CELF6: variants seen among roughly 807,000 people sequenced by gnomAD.
CELF6 encodes the protein CUGBP Elav-like family member 6.
Under a neutral mutation model 53.1 loss-of-function variants are expected in CELF6, and 32 were observed. The ratio of observed to expected loss-of-function variants is 0.60; its 90% CI spans 0.46 to 0.81. The LOEUF is 0.81. CELF6 is among the 30% of genes least tolerant of loss of function. The probability of loss-of-function intolerance (pLI) is 0.00; values close to 1 mark genes in which losing one functional copy is unlikely to be tolerated. For missense variants in CELF6, 539 were observed against 669.5 expected (o/e 0.81, Z 2.15); for synonymous variants, 291 against 288.8 (o/e 1.01, Z -0.08).
At chr15:72,286,606 T>C (rs1021509345) in intron 12 of CELF6, among the ~76,000 whole-genome samples, 4 of 152,206 alleles carry the variant, frequency 2.6e-5, no homozygotes, top group African/African-American at 4.8e-5. Context: ...GGCAGGGCCA[T>C]GTGGGCCTTC....
chr15:72,289,890 C>T lies in CELF6; in HGVS notation c.603+49G>A, dbSNP rs781703343. 7.2e-6 allele frequency: 11 copies of T among 1,530,844 alleles called. No homozygotes were observed. The Admixed American group carries it at 1.6e-4, about 22-fold the overall frequency. 94.8% of individuals were successfully genotyped at this position (1,530,844 alleles called of 1,614,324 possible). On this transcript the variant is annotated intron_variant, in intron 5 of 12. Coordinates refer to ENST00000287202, the MANE Select transcript of CELF6 (RefSeq NM_052840.5). This position sits in a 1 kb window ranked among gnomAD's most constrained non-coding sequence, Gnocchi z 7.6. The stretch of plus-strand genomic sequence containing the variant: ...CGAGCACACTCGGGGAGGAGAAGCC[C>T]GTCCCCACCCCACTGGCCTCACCCT...
chr15:72,308,304 C>T (rs753091384), intron 2 of CELF6, among the ~76,000 whole-genome samples: 4 of 152,166 alleles, frequency 2.6e-5, no homozygotes, highest in Non-Finnish European at 4.4e-5. Context: ...TCTCGCCTCA[C>T]CGAAACCTCT....
At chr15:72,295,066 G>A (rs1247635879) in intron 3 of CELF6, among the ~76,000 whole-genome samples, 6 of 151,806 alleles carry the variant, frequency 4.0e-5, no homozygotes, top group Non-Finnish European at 7.4e-5. Flanking sequence ...GGGCATGGTG[G>A]CTCACGCCTG....
chr15:72,317,265 T>C (rs2088374611), intron 1 of CELF6, among the ~76,000 whole-genome samples: 1 of 152,056 alleles, frequency 6.6e-6, no homozygotes, highest in African/African-American at 2.4e-5. Context: ...GCATTCTGAG[T>C]GTAGGAGGGA....
chr15:72,306,974 G>T (rs2088238608), intron 2 of CELF6, among the ~76,000 whole-genome samples: 1 of 151,974 alleles, frequency 6.6e-6, no homozygotes, highest in African/African-American at 2.4e-5. Flanking sequence ...GAGAGGGGAA[G>T]GAAATGAGGA....
In CELF6 at chr15:72,290,260, G is replaced by A. The variant is rs200622052; in HGVS notation, c.395-5C>T. The A allele has an allele frequency of 4.8e-4, 773 of 1,612,244 alleles. No individual in the cohort carries two copies. Among genetic ancestry groups the A allele is most frequent in the Non-Finnish European group, 6.3e-4 (743 of 1,179,414 alleles). On this transcript the variant is annotated splice_polypyrimidine_tract_variant and splice_region_variant and intron_variant, in intron 3 of 12. Coordinates refer to ENST00000287202, the MANE Select transcript of CELF6 (RefSeq NM_052840.5). The stretch of plus-strand genomic sequence containing the variant: ...CCACAAACAGCTTTCGGTCCTCTGG[G>A]GACAAAGCCAGGAATGACCTGGGGA...
chr15:72,288,374 G>A lies in CELF6; in HGVS notation c.1252C>T (p.Pro418Ser). Residue 418 changes from proline to serine, a missense_variant, in exon 11 of 13, where the codon CCC becomes TCC. Pro to Ser is a moderately conservative substitution (Grantham distance 74, BLOSUM62 -1). Coordinates refer to ENST00000287202, the MANE Select transcript of CELF6 (RefSeq NM_052840.5). This position sits in a 1 kb window ranked among gnomAD's most constrained non-coding sequence, Gnocchi z 4.6. ...GDAELIQTFLPFGAVVSAKVF... is the reference protein window; with the variant it reads ...GDAELIQTFLSFGAVVSAKVF... ...TTAGCAGAGACAACGGCTCCAAAGG[G>A]CAGGAATGTCTGTATGAGTTCCGCA... 1 of 1,614,170 alleles carries A rather than the reference G, an allele frequency of 6.2e-7. No individual in the cohort carries two copies. Among genetic ancestry groups the A allele is most frequent in the Non-Finnish European group, 8.5e-7 (1 of 1,180,028 alleles).
At position 72,288,823 on chromosome 15, in the gene CELF6, T is replaced by C; in HGVS notation, c.1093+45A>G. 4 of 1,517,070 alleles carry C rather than the reference T, an allele frequency of 2.6e-6. No individual in the cohort carries two copies. The highest frequency in any genetic ancestry group is 3.6e-6 in the Non-Finnish European group (4 of 1,116,232). The allele number at this position is 1,517,070 out of a possible 1,614,324, so 94.0% of individuals were successfully genotyped here. The stretch of plus-strand genomic sequence containing the variant: ...CCCCACAACTCTCCCTATTTCTTTC[T>C]AGGGCCCTTCAACCTCCCCCAGGCC... On this transcript the variant is annotated intron_variant, in intron 9 of 12. Coordinates refer to ENST00000287202, the MANE Select transcript of CELF6 (RefSeq NM_052840.5). The surrounding 1 kb of genome is among the most constrained non-coding windows in gnomAD (Gnocchi z 4.6).
At position 72,289,421 on chromosome 15, in the gene CELF6, G is replaced by C; in HGVS notation, c.834C>G (p.His278Gln). The C allele has an allele frequency of 6.4e-7, 1 of 1,552,816 alleles. No homozygotes were observed. Among genetic ancestry groups the C allele is most frequent in the Non-Finnish European group, 8.6e-7 (1 of 1,157,320 alleles). ...PVAAVAAQMQ[H>Q]VAAFSLVAAP... ...CAGCTACCAGGCTAAAGGCCGCCACGTGTTGCATCTGGGCCGCCACTGCCG... is the reference window on the plus strand; with the variant it reads ...CAGCTACCAGGCTAAAGGCCGCCACCTGTTGCATCTGGGCCGCCACTGCCG... Residue 278 changes from histidine (H) to glutamine (Q), a missense_variant, in exon 7 of 13, where the codon CAC becomes CAG. By Grantham distance (24) the His-to-Gln change is conservative (BLOSUM62 0). Transcript: ENST00000287202. This position sits in a 1 kb window ranked among gnomAD's most constrained non-coding sequence, Gnocchi z 7.6.
rs1172446890 is a variant in CELF6, at chr15:72,288,814, ATTTC to A, written c.1093+50_1093+53del. On this transcript the variant is annotated intron_variant, in intron 9 of 12. Coordinates refer to ENST00000287202, the MANE Select transcript of CELF6 (RefSeq NM_052840.5). This position sits in a 1 kb window ranked among gnomAD's most constrained non-coding sequence, Gnocchi z 4.6. ...GCCTAAATCCCCCACAACTCTCCCTATTTCTTTCTAGGGCCCTTCAACCTCCCCC... is the reference window on the plus strand; with the variant it reads ...GCCTAAATCCCCCACAACTCTCCCTATTTCTAGGGCCCTTCAACCTCCCCC... 11 of 1,492,208 alleles carry A rather than the reference ATTTC, an allele frequency of 7.4e-6. No individual in the cohort carries two copies. Among genetic ancestry groups the A allele is most frequent in the South Asian group, 2.4e-5 (2 of 82,906 alleles). The allele number at this position is 1,492,208 out of a possible 1,614,324, so 92.4% of individuals were successfully genotyped here.
chr15:72,299,372 T>C (rs993245162), intron 3 of CELF6, among the ~76,000 whole-genome samples: 8 of 150,356 alleles, frequency 5.3e-5, no homozygotes, highest in Non-Finnish European at 7.4e-5. Flanking sequence ...CTTTTTTTTT[T>C]TTTTTGAAAT....
At chr15:72,316,853 C>CAG (rs10673469) in intron 1 of CELF6, among the ~76,000 whole-genome samples, 24,627 of 152,030 alleles carry the variant, frequency 0.16, 5,736 homozygotes, top group African/African-American at 0.52. Flanking sequence ...GGCAACAAGA[C>CAG]ACACATTCCC....
chr15:72,305,381 A>G (rs965618042), intron 2 of CELF6, among the ~76,000 whole-genome samples: 2 of 151,992 alleles, frequency 1.3e-5, no homozygotes, highest in Non-Finnish European at 2.9e-5. Context: ...TGATTTTTGT[A>G]TTTTTAGTAG....
chr15:72,306,040 T>G (rs1487776142), intron 2 of CELF6: 1 of 976,702 alleles, frequency 1.0e-6, no homozygotes, highest in Non-Finnish European at 1.2e-6. Flanking sequence ...GTTGGGGTAT[T>G]GCATAATTTG....
rs569019555 is a variant in CELF6, at chr15:72,319,489, G to A, written c.262+124C>T. On this transcript the variant is annotated intron_variant, in intron 1 of 12. Coordinates refer to ENST00000287202, the MANE Select transcript of CELF6 (RefSeq NM_052840.5). This position sits in a 1 kb window ranked among gnomAD's most constrained non-coding sequence, Gnocchi z 5.0. ...TGATCTGGGAAGGGGGCTGGGCTGA[G>A]GTGGGGCTGATATTGGACTGGTGTT... 5 of 1,065,364 alleles carry A rather than the reference G, an allele frequency of 4.7e-6. No individual in the cohort carries two copies. Among genetic ancestry groups the A allele is most frequent in the South Asian group, 1.7e-5 (1 of 60,486 alleles). The allele number at this position is 1,065,364 out of a possible 1,614,324, so 66.0% of individuals were successfully genotyped here.
Position 72,319,795 on chromosome 15 carries a change from A to G in CELF6, c.80T>C (p.Val27Ala). 6.4e-7 allele frequency: 1 copy of G among 1,561,704 alleles called. No individual in the cohort carries two copies. Among genetic ancestry groups the G allele is most frequent in the Non-Finnish European group, 8.7e-7 (1 of 1,152,458 alleles). ...RLGFSTADSG[V>A]GMSGLNPGPA... ...ACCGGGGTTTAGCCCGCTCATGCCG[A>G]CGCCGCTGTCCGCGGTGCTGAAACC... The change falls in exon 1 of 13, where the codon GTC becomes GCC. Residue 27 changes from valine (V) to alanine (A), a missense_variant. This residue lies in a region of CELF6 where 84 missense variants were observed against 87.9 expected (regional missense o/e 0.96). Coordinates refer to ENST00000287202, the MANE Select transcript of CELF6 (RefSeq NM_052840.5). The surrounding 1 kb of genome is among the most constrained non-coding windows in gnomAD (Gnocchi z 5.0).
rs768401912 is a variant in CELF6 at position 72,288,621 on chromosome 15, G to A, written c.1094-3C>T. Reference sequence around the variant, plus strand: ...GGCATAGGCCGACGGATAGGCTGCTGGAGACAGAGGTGGGAGTGGACAGTG... The same window carrying A: ...GGCATAGGCCGACGGATAGGCTGCTAGAGACAGAGGTGGGAGTGGACAGTG... On this transcript the variant is annotated splice_polypyrimidine_tract_variant and splice_region_variant and intron_variant, in intron 9 of 12. Coordinates refer to ENST00000287202, the MANE Select transcript of CELF6 (RefSeq NM_052840.5). This position sits in a 1 kb window ranked among gnomAD's most constrained non-coding sequence, Gnocchi z 4.6. 6.4e-7 allele frequency: 1 copy of A among 1,556,402 alleles called. No homozygotes were observed. The highest frequency in any genetic ancestry group is 8.7e-7 in the Non-Finnish European group (1 of 1,151,134).
At chr15:72,293,256 A>G (rs35202897) in intron 3 of CELF6, among the ~76,000 whole-genome samples, 3,904 of 152,196 alleles carry the variant, frequency 0.026, 70 homozygotes, top group African/African-American at 0.056. Flanking sequence ...GCCTCAGGTG[A>G]CCCAGAAATG....
intron 2 of CELF6, chr15:72,306,175 G>T: frequency 1.0e-6 from 1 of 973,380 alleles, no homozygotes; most frequent in Non-Finnish European, 1.2e-6. Context: ...ATCACATGAG[G>T]TAATGGGGAC....
Sources: allele counts gnomAD v4.1 joint callset (sites outside exome capture counted in the v4.1 genomes callset), GRCh38; gene constraint gnomAD v4.1.1; regional missense constraint gnomAD v4.1.1; non-coding constraint Gnocchi (gnomAD v3.1); transcripts MANE v1.5; gene names NCBI Gene and HGNC (gene_info 2026-07-23, HGNC 2026-07-21).